The following CTDSP2 variants were observed in gnomAD, a reference collection of about 807,000 sequenced individuals.
The protein encoded by CTDSP2 is carboxy-terminal domain RNA polymerase II polypeptide A small phosphatase 2.
CTDSP2 carries 9 observed loss-of-function variants against 31.6 expected under a neutral mutation model. The ratio of observed to expected loss-of-function variants is 0.28; its 90% CI spans 0.17 to 0.50. CTDSP2 has a LOEUF of 0.50. Among genes scored for constraint, CTDSP2 ranks in the 20% least tolerant of loss-of-function variants. CTDSP2 has a pLI of 0.98. For missense variants in CTDSP2, 267 were observed against 348.5 expected (o/e 0.77, Z 1.86); for synonymous variants, 134 against 134.5 (o/e 1.00, Z 0.03).
chr12:57,823,949 G>A lies in CTDSP2; in HGVS notation c.645C>T (p.Ile215=), dbSNP rs764969768. Residue 215 remains isoleucine, a synonymous_variant, in exon 7 of 8, where the codon ATC becomes ATT. Coordinates refer to ENST00000398073, the MANE Select transcript of CTDSP2 (RefSeq NM_005730.4). ...TGTAAGAAGCAGGCGAGTTGTCCAG[G>A]ATGAGGGTCTTTCTCAGGTCCCTCC... ...RLGRDLRKTL[I]LDNSPASYIF... is the part of the protein sequence containing the mutation. 4 of 1,614,150 alleles carry A rather than the reference G, an allele frequency of 2.5e-6. No homozygotes were observed. In the Admixed American group the frequency reaches 5.0e-5, roughly 20 times the overall value.
chr12:57,824,503 C>G, intron 5 of CTDSP2, 184 bp from the exon 6 acceptor site: 1 of 664,258 alleles, frequency 1.5e-6, no homozygotes, highest in South Asian at 1.6e-5. Context: ...GGCTGTACCC[C>G]TCACCAGGCT....
intron 1 of CTDSP2, among the ~76,000 whole-genome samples, chr12:57,836,289 C>T (rs1014215967): frequency 2.0e-5 from 3 of 152,234 alleles, no homozygotes; most frequent in African/African-American, 7.2e-5. Context: ...GACTGTTTCA[C>T]TTGAGACAAA....
At chr12:57,841,796 T>C (rs1284438543) in intron 1 of CTDSP2, among the ~76,000 whole-genome samples, 1 of 152,112 alleles carries the variant, frequency 6.6e-6, no homozygotes. Context: ...GCGAACAGAG[T>C]AGTCTAACTA....
At chr12:57,836,718 G>A (rs1040590098) in intron 1 of CTDSP2, among the ~76,000 whole-genome samples, 6 of 151,954 alleles carry the variant, frequency 3.9e-5, no homozygotes, top group Admixed American at 3.9e-4. Flanking sequence ...GAGTGACCAG[G>A]GCAACACTGT....
Position 57,846,304 on chromosome 12 carries a change from T to A in CTDSP2, c.64+68A>T, listed in dbSNP as rs1956315836. ...TGGAGGTCAAGGGCCGAGACCTGGG[T>A]TCGGGGCTGTGCTAGCCCCCTCCGC... On this transcript the variant is annotated intron_variant, in intron 1 of 7. Coordinates refer to ENST00000398073, the MANE Select transcript of CTDSP2 (RefSeq NM_005730.4). 3 of 1,447,324 alleles carry A rather than the reference T, an allele frequency of 2.1e-6. No homozygotes were observed. In the Admixed American group the frequency reaches 5.9e-5, roughly 28 times the overall value. 89.7% of individuals were successfully genotyped at this position (1,447,324 alleles called of 1,614,324 possible). A position where few individuals can be genotyped will look rare whatever the true frequency, so the allele number is the denominator to read the frequency against.
chr12:57,832,790 T>TAAAAAAAAAA (rs61390174), intron 1 of CTDSP2, among the ~76,000 whole-genome samples: 6 of 44,896 alleles, frequency 1.3e-4, no homozygotes, highest in East Asian at 1.2e-3. Context: ...AGACTCTGGC[T>TAAAAAAAAAA]AAAAAAAAAA....
chr12:57,829,410 C>T (rs372591332), intron 2 of CTDSP2, 38 bp downstream of exon 2: 349 of 1,603,078 alleles, frequency 2.2e-4, no homozygotes, highest in Admixed American at 3.0e-4. Context: ...ATTAACAGTC[C>T]CTTCATTGCT....
chr12:57,821,834 T>C lies in CTDSP2; in HGVS notation c.*1768A>G, dbSNP rs1465357555. 2.6e-5 allele frequency: 4 copies of C among 152,214 alleles called. No individual in the cohort carries two copies. Among genetic ancestry groups the C allele is most frequent in the Non-Finnish European group, 5.9e-5 (4 of 68,064 alleles). The allele number at this position is 152,214 out of a possible 1,614,324, so 9.4% of individuals were successfully genotyped here. A position where few individuals can be genotyped will look rare whatever the true frequency, so the allele number is the denominator to read the frequency against. ...TTCCAAAGAGAAAGACAAGGCCTTA[T>C]AACCTTGGGACAAGAAGGGAAGGTG... On this transcript the variant is annotated 3_prime_UTR_variant, in exon 8 of 8. Coordinates refer to ENST00000398073, the MANE Select transcript of CTDSP2 (RefSeq NM_005730.4).
At chr12:57,844,706 G>A (rs1956303277) in intron 1 of CTDSP2, among the ~76,000 whole-genome samples, 1 of 152,108 alleles carries the variant, frequency 6.6e-6, no homozygotes, top group African/African-American at 2.4e-5. Flanking sequence ...AGCCAGCAGA[G>A]GCGGTGAAGT....
At chr12:57,823,758 C>T in intron 7 of CTDSP2, 31 bp from the exon 8 acceptor site, 2 of 1,613,054 alleles carry the variant, frequency 1.2e-6, no homozygotes, top group Non-Finnish European at 8.5e-7. Context: ...TGTCAATCTC[C>T]CGACTGCTGC....
In CTDSP2 at chr12:57,829,512, A is replaced by G; in HGVS notation, c.149T>C (p.Val50Ala). ...ALFCCFRAQHVGQSSSSTELA... is the reference protein window; with the variant it reads ...ALFCCFRAQHAGQSSSSTELA... ...CTCAGTGGAGGAACTTGACTGGCCA[A>G]CATGCTGGGCGCGAAAACAGCAGAA... Residue 50 changes from valine to alanine, a missense_variant, in exon 2 of 8, where the codon GTT (valine) becomes GCT (alanine). Val to Ala is a moderately conservative substitution (Grantham distance 64). Transcript: ENST00000398073. 6.2e-7 allele frequency: 1 copy of G among 1,614,164 alleles called. No individual in the cohort carries two copies. Among genetic ancestry groups the G allele is most frequent in the East Asian group, 2.2e-5 (1 of 44,878 alleles).
rs1425629986 is a variant in CTDSP2 at position 57,829,552 on chromosome 12, T to C, written c.109A>G (p.Ile37Val). 1.2e-6 allele frequency: 2 copies of C among 1,614,110 alleles called. No homozygotes were observed. Among genetic ancestry groups the C allele is most frequent in the Non-Finnish European group, 1.7e-6 (2 of 1,180,004 alleles). ...AAACAGCAGAAAAGGGCCTTGAAGATGTTACGTCCACGAGGCTTCTTAGGA... is the reference window on the plus strand; with the variant it reads ...AAACAGCAGAAAAGGGCCTTGAAGACGTTACGTCCACGAGGCTTCTTAGGA... ...SSPKKPRGRN[I>V]FKALFCCFRA... is the part of the protein sequence containing the mutation. Residue 37 changes from isoleucine to valine, a missense_variant, in exon 2 of 8, where the codon ATC becomes GTC. By Grantham distance (29) the Ile-to-Val change is conservative. This residue lies in a region of CTDSP2 where 111 missense variants were observed against 107.1 expected (regional missense o/e 1.04). Coordinates refer to ENST00000398073, the MANE Select transcript of CTDSP2 (RefSeq NM_005730.4).
In CTDSP2 at chr12:57,823,723, G is replaced by C; in HGVS notation, c.695C>G (p.Pro232Arg). Residue 232 changes from proline to arginine, a missense_variant, in exon 8 of 8, where the codon CCT (proline) becomes CGT (arginine). Transcript: ENST00000398073. ...SYIFHPENAVPVQSWFDDMAD... is the reference protein window; with the variant it reads ...SYIFHPENAVRVQSWFDDMAD... ...CATGTCATCAAACCAGGACTGCACAGGCACCTGGTGGGGGGAAGATGTGGT... is the reference window on the plus strand; with the variant it reads ...CATGTCATCAAACCAGGACTGCACACGCACCTGGTGGGGGGAAGATGTGGT... 1 of 1,613,982 alleles carries C rather than the reference G, an allele frequency of 6.2e-7. No individual in the cohort carries two copies.
Position 57,820,365 on chromosome 12 carries a change from A to G in CTDSP2, c.*3237T>C, listed in dbSNP as rs1411988889. 1 of 152,256 alleles carries G rather than the reference A, an allele frequency of 6.6e-6. No homozygotes were observed. The highest frequency in any genetic ancestry group is 2.4e-5 in the African/African-American group (1 of 41,466). 9.4% of individuals were successfully genotyped at this position (152,256 alleles called of 1,614,324 possible). A position where few individuals can be genotyped will look rare whatever the true frequency, so the allele number is the denominator to read the frequency against. ...GTTTAGGAAAAAGGGACCGAGGGACAGCAGTGGTTAAGTAATCCACTGAGG... is the reference window on the plus strand; with the variant it reads ...GTTTAGGAAAAAGGGACCGAGGGACGGCAGTGGTTAAGTAATCCACTGAGG... On this transcript the variant is annotated 3_prime_UTR_variant, in exon 8 of 8. Transcript: ENST00000398073.
chr12:57,831,492 A>T (rs1956215682), intron 1 of CTDSP2, among the ~76,000 whole-genome samples: 2 of 152,298 alleles, frequency 1.3e-5, no homozygotes, highest in African/African-American at 4.8e-5. Flanking sequence ...CTTTTGCTAT[A>T]GATGAAATTT....
At chr12:57,836,560 G>A (rs1219914215) in intron 1 of CTDSP2, among the ~76,000 whole-genome samples, 1 of 152,034 alleles carries the variant, frequency 6.6e-6, no homozygotes, top group Non-Finnish European at 1.5e-5. Flanking sequence ...GAGAATCACC[G>A]GAGCCCAGGA....
intron 1 of CTDSP2, among the ~76,000 whole-genome samples, chr12:57,844,733 G>A (rs1956303489): frequency 6.6e-6 from 1 of 152,046 alleles, no homozygotes; most frequent in Non-Finnish European, 1.5e-5. Context: ...CTGGGTCACA[G>A]CCTGGTTAGT....
At chr12:57,825,426 C>T (rs1956176795) in intron 5 of CTDSP2, among the ~76,000 whole-genome samples, 1 of 152,226 alleles carries the variant, frequency 6.6e-6, no homozygotes, top group Admixed American at 6.5e-5. Context: ...TTAATCTCAT[C>T]CTTTTAAAAA....
At chr12:57,846,218 A>G (rs1956315054) in intron 1 of CTDSP2, among the ~76,000 whole-genome samples, 154 bp downstream of exon 1, 1 of 152,154 alleles carries the variant, frequency 6.6e-6, no homozygotes, top group Non-Finnish European at 1.5e-5. Context: ...TCTGAGTGCC[A>G]GCCGGGATGC....
Sources: gnomAD v4.1 joint callset for allele counts (sites outside exome capture counted in the v4.1 genomes callset) on GRCh38, gnomAD v4.1.1 for gene constraint, gnomAD v4.1.1 regional missense constraint, MANE v1.5 for transcripts, NCBI Gene and HGNC (gene_info 2026-07-23, HGNC 2026-07-21) for gene names.